IGSF10: variants seen among roughly 807,000 people sequenced by gnomAD.
IGSF10 encodes the protein immunoglobulin superfamily member 10.
Under a neutral mutation model 128.2 loss-of-function variants are expected in IGSF10, and 126 were observed. That is an observed-to-expected ratio of 0.98 (90% confidence interval 0.85 to 1.14). The LOEUF (loss-of-function observed/expected upper bound fraction) is 1.14. Ranked by LOEUF, IGSF10 falls within the 50% of genes most tolerant of loss-of-function variation. The pLI is 0.00. For missense variants in IGSF10, 3,295 were observed against 3,149.8 expected, an observed-to-expected ratio of 1.05 and a Z score of -1.10; for synonymous variants, 1,185 against 1,146.2, an observed-to-expected ratio of 1.03 and a Z score of -0.68.
At chr3:151,532,670 A>T in the IGSF10 span, among the ~76,000 whole-genome samples, 9 of 152,196 alleles carry the variant, frequency 5.9e-5, no homozygotes, top group Non-Finnish European at 1.3e-4. Context: ...CATTGATGGA[A>T]TGTATCTCAA....
chr3:151,515,738 TGTGTG>T, the IGSF10 span, among the ~76,000 whole-genome samples: 2 of 150,866 alleles, frequency 1.3e-5, no homozygotes, highest in East Asian at 1.9e-4. Context: ...TGTGTGTGTG[TGTGTG>T]TGTGTGTGTT....
chr3:151,534,122 A>G, the IGSF10 span, among the ~76,000 whole-genome samples: 28 of 139,976 alleles, frequency 2.0e-4, no homozygotes, highest in African/African-American at 7.4e-4. Flanking sequence ...ATCTCACATC[A>G]GTTAGAATGG....
chr3:151,601,314 TA>T, the IGSF10 span, among the ~76,000 whole-genome samples: 4 of 152,100 alleles, frequency 2.6e-5, no homozygotes, highest in Non-Finnish European at 5.9e-5. Flanking sequence ...ATGATTAGAA[TA>T]ATAGCAAAAA....
At chr3:151,489,502 A>G in the IGSF10 span, among the ~76,000 whole-genome samples, 5 of 151,956 alleles carry the variant, frequency 3.3e-5, no homozygotes, top group Non-Finnish European at 5.9e-5. Flanking sequence ...AAATCTTTCT[A>G]CTATAAAGAC....
chr3:151,601,269 T>C, the IGSF10 span, among the ~76,000 whole-genome samples: 1 of 152,032 alleles, frequency 6.6e-6, no homozygotes, highest in Non-Finnish European at 1.5e-5. Flanking sequence ...AAAAATAAAA[T>C]AAAATCTCTT....
chr3:151,455,882 T>A (rs1721767922), intron 4 of IGSF10, among the ~76,000 whole-genome samples: 1 of 152,218 alleles, frequency 6.6e-6, no homozygotes, highest in Non-Finnish European at 1.5e-5. Flanking sequence ...AAAGAAATGC[T>A]AGTAAACACC....
Position 151,445,999 on chromosome 3 carries a change from A to G in IGSF10, c.3982T>C (p.Ser1328Pro), listed in dbSNP as rs763234993. Residue 1328 changes from serine to proline, a missense_variant, in exon 6 of 8, where the codon TCT becomes CCT. Physicochemically the swap from Ser to Pro is moderately conservative, Grantham distance 74 (BLOSUM62 -1). Transcript: ENST00000282466. ...GTTTGGGTTTCATAAGTGATGACAG[A>G]TGCAGGGAAGGTAGGAGTTGTTGCT... Reference protein sequence around the residue: ...IPATTPTFPASVITYETQTER... With the variant: ...IPATTPTFPAPVITYETQTER... 6 of 1,614,198 alleles carry G rather than the reference A, an allele frequency of 3.7e-6. No homozygotes were observed. The highest frequency in any genetic ancestry group is 4.2e-6 in the Non-Finnish European group (5 of 1,180,034).
the IGSF10 span, among the ~76,000 whole-genome samples, chr3:151,530,020 C>A: frequency 6.6e-6 from 1 of 151,684 alleles, no homozygotes; most frequent in Non-Finnish European, 1.5e-5. Flanking sequence ...ACATAAATGA[C>A]CTGATGGAGC....
At chr3:151,594,410 T>C in the IGSF10 span, among the ~76,000 whole-genome samples, 7 of 149,732 alleles carry the variant, frequency 4.7e-5, no homozygotes, top group Admixed American at 4.7e-4. Context: ...CTTGGCTCAC[T>C]GCAAGCTCCG....
Position 151,446,625 on chromosome 3 carries a change from A to G in IGSF10, c.3356T>C (p.Val1119Ala). The G allele has an allele frequency of 2.5e-6, 4 of 1,614,114 alleles. No homozygotes were observed. The highest frequency in any genetic ancestry group is 3.4e-6 in the Non-Finnish European group (4 of 1,180,020). The change falls in exon 6 of 8, where the codon GTA (valine) becomes GCA (alanine). Residue 1119 changes from valine to alanine, a missense_variant. By Grantham distance (64) the Val-to-Ala change is moderately conservative. Transcript: ENST00000282466. ...PLLLLENKPS[V>A]EKTTPTIKYF... ...TTTTATTGTGGGTGTTGTTTTCTCT[A>G]CACTGGGTTTGTTCTCAAGTAGTAA... is the stretch of plus-strand genomic sequence containing the variant.
At chr3:151,589,044 A>T in the IGSF10 span, among the ~76,000 whole-genome samples, 1 of 152,208 alleles carries the variant, frequency 6.6e-6, no homozygotes, top group Admixed American at 6.5e-5. Flanking sequence ...TTTCATTAAA[A>T]CTATTTCTAT....
the IGSF10 span, among the ~76,000 whole-genome samples, chr3:151,479,617 TG>T: frequency 6.6e-6 from 1 of 152,204 alleles, no homozygotes; most frequent in Non-Finnish European, 1.5e-5. Flanking sequence ...TGGTTAAACA[TG>T]TCCTCTACTA....
intron 4 of IGSF10, among the ~76,000 whole-genome samples, chr3:151,455,019 A>G (rs745903219): frequency 1.1e-4 from 17 of 152,158 alleles, no homozygotes; most frequent in Non-Finnish European, 2.4e-4. Context: ...AAAATAATTT[A>G]AAAGTGTACA....
the IGSF10 span, among the ~76,000 whole-genome samples, chr3:151,480,534 G>GC: frequency 2.6e-5 from 4 of 152,228 alleles, no homozygotes; most frequent in East Asian, 7.7e-4. Flanking sequence ...GGCCCTTGCT[G>GC]CTATTGCTCT....
At chr3:151,454,161 G>C (rs1353238017) in intron 4 of IGSF10, among the ~76,000 whole-genome samples, 1 of 151,824 alleles carries the variant, frequency 6.6e-6, no homozygotes, top group Non-Finnish European at 1.5e-5. Context: ...GGGATTACAG[G>C]TGCCCACCAC....
chr3:151,523,182 G>A, the IGSF10 span, among the ~76,000 whole-genome samples: 1 of 152,036 alleles, frequency 6.6e-6, no homozygotes, highest in Admixed American at 6.6e-5. Context: ...CAAACTAATG[G>A]AAACACATCT....
At chr3:151,557,997 G>GTATATAATATATA in the IGSF10 span, among the ~76,000 whole-genome samples, 2,071 of 5,476 alleles carry the variant, frequency 0.38, 190 homozygotes, top group South Asian at 0.54. Flanking sequence ...CAAATATAAA[G>GTATATAATATATA]TATATATAAT....
At chr3:151,556,894 T>C in the IGSF10 span, among the ~76,000 whole-genome samples, 1 of 152,210 alleles carries the variant, frequency 6.6e-6, no homozygotes, top group African/African-American at 2.4e-5. Flanking sequence ...TGGATAACCA[T>C]TTCTCTGGTC....
chr3:151,543,050 C>T, the IGSF10 span, among the ~76,000 whole-genome samples: 2 of 152,114 alleles, frequency 1.3e-5, no homozygotes, highest in African/African-American at 4.8e-5. Context: ...CCTACTAATT[C>T]CCCTAGTCAA....
Sources: gnomAD v4.1 joint callset for allele counts (sites outside exome capture counted in the v4.1 genomes callset) on GRCh38, gnomAD v4.1.1 for gene constraint, MANE v1.5 for transcripts, NCBI Gene and HGNC (gene_info 2026-07-23, HGNC 2026-07-21) for gene names.